ARMC8: variants seen among roughly 807,000 people sequenced by gnomAD.
The protein encoded by ARMC8 is armadillo repeat-containing protein 8.
A neutral mutation model predicts 99.3 loss-of-function variants in ARMC8; 20 were observed. That is an observed-to-expected ratio of 0.20 (90% CI 0.14 to 0.29). The LOEUF (loss-of-function observed/expected upper bound fraction) is 0.29, where lower values mean the gene tolerates loss of function less well. Among genes scored for constraint, ARMC8 ranks in the 10% least tolerant of loss-of-function variants. The probability of loss-of-function intolerance (pLI) is 1.00; values close to 1 mark genes in which losing one functional copy is unlikely to be tolerated. For synonymous variants in ARMC8, 263 were observed against 278.3 expected (o/e 0.95, Z 0.55); for missense variants, 569 against 809.5 (o/e 0.70, Z 3.60).
At chr3:138,246,128 A>G (rs1245056951) in intron 12 of ARMC8, 5 of 985,416 alleles carry the variant, frequency 5.1e-6, no homozygotes, top group African/African-American at 1.7e-5. Flanking sequence ...AAAGAGGAGT[A>G]TGGAACAACC....
intron 1 of ARMC8, among the ~76,000 whole-genome samples, chr3:138,201,479 C>CTTTTTT: frequency 2.3e-5 from 1 of 43,240 alleles, no homozygotes; most frequent in African/African-American, 8.3e-5. Context: ...TTTTTTTTTC[C>CTTTTTT]TGAGACAGAG....
At chr3:138,209,948 A>T (rs2044601429) in intron 2 of ARMC8, 55 bp downstream of exon 2, 6 of 1,346,298 alleles carry the variant, frequency 4.5e-6, no homozygotes, top group Non-Finnish European at 6.3e-6. Flanking sequence ...TCATGTTTTA[A>T]TCTGCCACAT....
intron 21 of ARMC8, among the ~76,000 whole-genome samples, chr3:138,291,063 G>C (rs889724689): frequency 2.0e-5 from 3 of 152,216 alleles, no homozygotes; most frequent in African/African-American, 7.2e-5. Context: ...AGGAATCACT[G>C]TCCTCAAAGA....
At chr3:138,195,088 A>G (rs575818749) in intron 1 of ARMC8, among the ~76,000 whole-genome samples, 67 of 152,170 alleles carry the variant, frequency 4.4e-4, no homozygotes, top group African/African-American at 1.6e-3. Flanking sequence ...CAGCCTGACC[A>G]ACATGGTGAA....
chr3:138,216,130 G>A (rs1016590507), intron 2 of ARMC8, among the ~76,000 whole-genome samples: 6 of 147,766 alleles, frequency 4.1e-5, no homozygotes, highest in African/African-American at 1.3e-4. Context: ...CTTGTGATCC[G>A]CCCGCCTCGG....
At chr3:138,294,450 C>T (rs1467904340) in intron 21 of ARMC8, among the ~76,000 whole-genome samples, 1 of 152,198 alleles carries the variant, frequency 6.6e-6, no homozygotes, top group South Asian at 2.1e-4. Context: ...TAGAACCCTA[C>T]TTGCTCATAA....
chr3:138,247,366 T>C (rs2046930181), intron 12 of ARMC8, among the ~76,000 whole-genome samples: 1 of 152,134 alleles, frequency 6.6e-6, no homozygotes, highest in South Asian at 2.1e-4. Context: ...AGTCAATAAG[T>C]AGAGAAACTG....
chr3:138,295,192 C>G lies in ARMC8; in HGVS notation c.1989-667C>G, dbSNP rs561616992. ...GGAATTACAGGTGTGAGCCACAGCA[C>G]CCGGCCTACATTCTATCTTTTCCTT... On this transcript the variant is annotated intron_variant, in intron 21 of 21. Coordinates refer to ENST00000469044, the MANE Select transcript of ARMC8 (RefSeq NM_001363941.2). 7.2e-5 allele frequency among the ~76,000 whole-genome samples: 11 copies of G among 152,310 alleles called. No individual in the cohort carries two copies. In the South Asian group the frequency reaches 2.3e-3, roughly 32 times the overall value.
At chr3:138,245,271 A>G (rs191340651) in intron 12 of ARMC8, 88 bp downstream of exon 12, 3 of 1,613,758 alleles carry the variant, frequency 1.9e-6, no homozygotes, top group Admixed American at 1.7e-5. Flanking sequence ...AAGAGCACTA[A>G]CAGTGACTGT....
intron 12 of ARMC8, chr3:138,246,169 C>T (rs572523822): frequency 2.0e-6 from 2 of 985,676 alleles, no homozygotes; most frequent in South Asian, 9.4e-5. Context: ...TGAAAAGGAA[C>T]CATTTCTTGA....
intron 14 of ARMC8, among the ~76,000 whole-genome samples, chr3:138,265,782 T>G (rs951331222): frequency 7.2e-5 from 11 of 152,132 alleles, no homozygotes; most frequent in Non-Finnish European, 1.3e-4. Context: ...GTGGAAGAGT[T>G]AGACCAATGC....
At chr3:138,202,011 G>C (rs1049240497) in intron 1 of ARMC8, among the ~76,000 whole-genome samples, 5 of 152,130 alleles carry the variant, frequency 3.3e-5, no homozygotes, top group Admixed American at 1.3e-4. Flanking sequence ...CCAGAACCTG[G>C]CATAATTCCT....
intron 19 of ARMC8, among the ~76,000 whole-genome samples, chr3:138,285,386 C>T (rs949945279): frequency 1.3e-5 from 2 of 152,166 alleles, no homozygotes; most frequent in East Asian, 1.9e-4. Flanking sequence ...TCAAGTCCTA[C>T]GTGACCTAAC....
chr3:138,221,421 T>C (rs565835161), intron 2 of ARMC8, among the ~76,000 whole-genome samples: 55 of 151,862 alleles, frequency 3.6e-4, no homozygotes, highest in African/African-American at 1.2e-3. Context: ...AATTAAAAGA[T>C]GCATTGGAAA....
intron 18 of ARMC8, among the ~76,000 whole-genome samples, chr3:138,283,839 T>C (rs958978970): frequency 6.6e-6 from 1 of 152,196 alleles, no homozygotes; most frequent in Non-Finnish European, 1.5e-5. Context: ...ACTAAGTTGC[T>C]TCATACATTT....
chr3:138,212,498 G>A lies in ARMC8; in HGVS notation c.122+2605G>A, dbSNP rs1456349997. Among the ~76,000 whole-genome samples the A allele has an allele frequency of 1.3e-5, 2 of 152,074 alleles. 1 individual carries two copies. The highest frequency in any genetic ancestry group is 4.2e-4 in the South Asian group (2 of 4,816). On this transcript the variant is annotated intron_variant, in intron 2 of 21. Transcript: ENST00000469044. ...CTAATTTTGTATATTTAGTAGAGAC[G>A]AGGTTTCTCCATGTTGGTCAGGCTG... is the stretch of plus-strand genomic sequence containing the variant.
chr3:138,205,051 TTTTCTTTTC>T (rs2044283589), intron 1 of ARMC8, among the ~76,000 whole-genome samples: 1 of 148,128 alleles, frequency 6.8e-6, no homozygotes, highest in Non-Finnish European at 1.5e-5. Flanking sequence ...GTCTCTTTTC[TTTTCTTTTC>T]TTTTTTTTTT....
At chr3:138,256,402 CTTTTTTTTTTTTT>C (rs71146121) in intron 12 of ARMC8, among the ~76,000 whole-genome samples, 10 of 90,276 alleles carry the variant, frequency 1.1e-4, no homozygotes, top group African/African-American at 3.6e-4. Flanking sequence ...TTTCCTCCTT[CTTTTTTTTTTTTT>C]TTTTTTTTTT....
chr3:138,212,526 C>A (rs2044758692), intron 2 of ARMC8, among the ~76,000 whole-genome samples: 1 of 152,094 alleles, frequency 6.6e-6, no homozygotes, highest in Non-Finnish European at 1.5e-5. Context: ...TCAGGCTGGT[C>A]TCGAACTCCT....
Sources: allele counts gnomAD v4.1 joint callset (sites outside exome capture counted in the v4.1 genomes callset), GRCh38; gene constraint gnomAD v4.1.1; transcripts MANE v1.5; gene names NCBI Gene and HGNC (gene_info 2026-07-23, HGNC 2026-07-21).